The following PIP4K2B variants were observed in gnomAD, a reference collection of about 807,000 sequenced individuals.
The protein encoded by PIP4K2B is phosphatidylinositol-5-phosphate 4-kinase type 2 beta, also known as phosphatidylinositol 5-phosphate 4-kinase type-2 beta.
In PIP4K2B, 3 loss-of-function variants were observed where a neutral mutation model predicts 42.0. That is an observed-to-expected ratio of 0.07 (90% CI 0.03 to 0.18). The LOEUF is 0.18. Among genes scored for constraint, PIP4K2B ranks in the 10% least tolerant of loss-of-function variants. The probability of loss-of-function intolerance (pLI) is 1.00; values close to 1 mark genes in which losing one functional copy is unlikely to be tolerated. For synonymous variants in PIP4K2B, 204 were observed against 210.1 expected (o/e 0.97, Z 0.25); for missense variants, 332 against 562.3 (o/e 0.59, Z 4.14).
intron 1 of PIP4K2B, among the ~76,000 whole-genome samples, chr17:38,789,567 C>G (rs1456710491): frequency 3.9e-5 from 6 of 152,160 alleles, no homozygotes; most frequent in African/African-American, 1.4e-4. Flanking sequence ...GTCATTAGAA[C>G]TCCTCCAGGA....
In PIP4K2B at chr17:38,780,548, C is replaced by T. The variant is rs148842459; in HGVS notation, c.411G>A (p.Thr137=). 4.6e-5 allele frequency: 74 copies of T among 1,613,796 alleles called. No homozygotes were observed. Among genetic ancestry groups the T allele is most frequent in the African/African-American group, 1.2e-4 (9 of 75,056 alleles). ...INSDSQGRCG[T]RFLTTYDRRF... is the part of the protein sequence containing the mutation. ...GCCGGTCGTAGGTGGTGAGGAAACG[C>T]GTGCCACACCGACCCTGGCTGTCAC... The change falls in exon 4 of 10, where the codon ACG becomes ACA. Residue 137 remains threonine (T), a synonymous_variant. Coordinates refer to ENST00000619039, the MANE Select transcript of PIP4K2B (RefSeq NM_003559.5).
At chr17:38,783,168 C>A (rs1175548926) in intron 3 of PIP4K2B, among the ~76,000 whole-genome samples, 3 of 118,792 alleles carry the variant, frequency 2.5e-5, no homozygotes, top group Admixed American at 1.3e-4. Context: ...GCACTCCAGC[C>A]TGGATGACAG....
At chr17:38,776,048 G>A (rs1455116966) in intron 7 of PIP4K2B, 9 of 447,726 alleles carry the variant, frequency 2.0e-5, no homozygotes, top group South Asian at 3.1e-5. Context: ...GAGGGTCACC[G>A]CAACCTCCGC....
chr17:38,771,298 G>A (rs1166289421), intron 7 of PIP4K2B, 26 bp from the exon 8 acceptor site: 2 of 1,613,386 alleles, frequency 1.2e-6, no homozygotes, highest in African/African-American at 2.7e-5. Flanking sequence ...ATGGAAAGAT[G>A]GAAGGAAGAA....
chr17:38,783,003 T>C (rs1254315129), intron 3 of PIP4K2B, among the ~76,000 whole-genome samples: 1 of 151,034 alleles, frequency 6.6e-6, no homozygotes, highest in Non-Finnish European at 1.5e-5. Flanking sequence ...CTGGTCAACA[T>C]GGTGAAACCC....
chr17:38,787,218 T>C (rs1466035082), intron 1 of PIP4K2B, among the ~76,000 whole-genome samples: 1 of 152,148 alleles, frequency 6.6e-6, no homozygotes, highest in Non-Finnish European at 1.5e-5. Context: ...TTGTATTGTG[T>C]AGAGACAAGT....
chr17:38,787,117 C>G (rs182918933), intron 1 of PIP4K2B, among the ~76,000 whole-genome samples, 197 bp from the exon 2 acceptor site: 395 of 152,204 alleles, frequency 2.6e-3, no homozygotes, highest in Non-Finnish European at 4.6e-3. Context: ...CTCATTGCAG[C>G]CTTCACCTCC....
intron 2 of PIP4K2B, 53 bp downstream of exon 2, chr17:38,786,770 C>T: frequency 1.7e-6 from 2 of 1,167,776 alleles, no homozygotes; most frequent in East Asian, 2.3e-5. Flanking sequence ...AAGCCTCTGA[C>T]TTGAGGGAAA....
At chr17:38,770,977 G>A (rs1908994171) in intron 8 of PIP4K2B, 37 bp downstream of exon 8, 1 of 1,611,234 alleles carries the variant, frequency 6.2e-7, no homozygotes, top group Non-Finnish European at 8.5e-7. Flanking sequence ...TAGGATGAGG[G>A]CAGGGCTGTG....
chr17:38,790,583 T>C (rs1382665686), intron 1 of PIP4K2B, among the ~76,000 whole-genome samples: 1 of 152,140 alleles, frequency 6.6e-6, no homozygotes, highest in Non-Finnish European at 1.5e-5. Flanking sequence ...CTCAGTCTCC[T>C]GAGTAGCTGG....
chr17:38,779,735 G>C (rs1909592529), intron 4 of PIP4K2B: 2 of 533,668 alleles, frequency 3.7e-6, no homozygotes, highest in East Asian at 2.8e-5. Flanking sequence ...TGGCATGGCA[G>C]AGGGAGAGGC....
rs1472427480 is a variant in PIP4K2B, at chr17:38,767,326, T to C, written c.*2365A>G. The C allele has an allele frequency of 6.6e-6, 1 of 151,974 alleles. No homozygotes were observed. The highest frequency in any genetic ancestry group is 2.4e-5 in the African/African-American group (1 of 41,362). The allele number at this position is 151,974 out of a possible 1,614,324, so 9.4% of individuals were successfully genotyped here. A position where few individuals can be genotyped will look rare whatever the true frequency, so the allele number is the denominator to read the frequency against. ...ACCAAGATAAATAGCTTTTAAACAT[T>C]TGAATGCCAAAAATTGGGGGCCAAA... On this transcript the variant is annotated 3_prime_UTR_variant, in exon 10 of 10. Coordinates refer to ENST00000619039, the MANE Select transcript of PIP4K2B (RefSeq NM_003559.5).
At chr17:38,793,627 T>C (rs1910460018) in intron 1 of PIP4K2B, among the ~76,000 whole-genome samples, 1 of 152,068 alleles carries the variant, frequency 6.6e-6, no homozygotes, top group Non-Finnish European at 1.5e-5. Flanking sequence ...TCCTAGCACT[T>C]TGGAAGACCG....
intron 1 of PIP4K2B, among the ~76,000 whole-genome samples, chr17:38,788,632 G>C (rs1327551891): frequency 6.6e-6 from 1 of 152,024 alleles, no homozygotes; most frequent in Admixed American, 6.5e-5. Flanking sequence ...CAAGGCAGGA[G>C]GATCACTTGA....
chr17:38,777,620 G>T, intron 7 of PIP4K2B, 67 bp downstream of exon 7: 2 of 1,020,596 alleles, frequency 2.0e-6, no homozygotes, highest in Non-Finnish European at 3.1e-6. Context: ...TTCTTCTTAA[G>T]GTTTAAGAGG....
At chr17:38,777,557 G>T in intron 7 of PIP4K2B, 130 bp downstream of exon 7, 1 of 681,328 alleles carries the variant, frequency 1.5e-6, no homozygotes, top group South Asian at 1.8e-5. Context: ...AAGTGCCCAC[G>T]CTGCTCAAAT....
At chr17:38,782,295 T>TC (rs1222180664) in intron 3 of PIP4K2B, among the ~76,000 whole-genome samples, 2 of 152,002 alleles carry the variant, frequency 1.3e-5, no homozygotes, top group Non-Finnish European at 2.9e-5. Flanking sequence ...GAATATAGGG[T>TC]CCCCTCCCTG....
At chr17:38,788,483 A>T (rs1483563692) in intron 1 of PIP4K2B, among the ~76,000 whole-genome samples, 1 of 151,338 alleles carries the variant, frequency 6.6e-6, no homozygotes, top group Non-Finnish European at 1.5e-5. Flanking sequence ...TACAGGCATG[A>T]GCCACTGCGC....
At chr17:38,779,618 C>T (rs1598048555) in intron 4 of PIP4K2B, 89 bp from the exon 5 acceptor site, 1 of 1,193,056 alleles carries the variant, frequency 8.4e-7, no homozygotes, top group Non-Finnish European at 1.2e-6. Context: ...TGCTCCCTGG[C>T]TCCCTGGGAT....
Sources: gnomAD v4.1 joint callset for allele counts (sites outside exome capture counted in the v4.1 genomes callset) on GRCh38, gnomAD v4.1.1 for gene constraint, MANE v1.5 for transcripts, NCBI Gene and HGNC (gene_info 2026-07-23, HGNC 2026-07-21) for gene names.